RBFOX1: variants seen among roughly 807,000 people sequenced by gnomAD.
RBFOX1 encodes the protein RNA binding protein fox-1 homolog 1.
RBFOX1 carries 8 observed loss-of-function variants against 57.7 expected under a neutral mutation model. The observed-to-expected ratio is 0.14, with a 90% CI of 0.08 to 0.25. RBFOX1 has a LOEUF of 0.25. RBFOX1 is among the 10% of genes least tolerant of loss of function. RBFOX1 has a pLI of 1.00. For synonymous variants in RBFOX1, 326 were observed against 222.4 expected (o/e 1.47, Z -4.15); for missense variants, 611 against 548.5 (o/e 1.11, Z -1.14).
At chr16:6,224,748 C>T (rs1053936241) in intron 1 of RBFOX1, among the ~76,000 whole-genome samples, 5 of 152,204 alleles carry the variant, frequency 3.3e-5, no homozygotes, top group South Asian at 2.1e-4. Flanking sequence ...TGGCCAGGTG[C>T]GGTGGCTCAC....
intron 3 of RBFOX1, among the ~76,000 whole-genome samples, chr16:6,838,984 C>CT (rs769388217): frequency 5.9e-5 from 9 of 151,290 alleles, no homozygotes; most frequent in African/African-American, 9.7e-5. Context: ...CCATCATTTT[C>CT]TTTTTTTTCT....
intron 4 of RBFOX1, among the ~76,000 whole-genome samples, chr16:7,483,232 C>T (rs755325538): frequency 2.6e-4 from 40 of 152,284 alleles, no homozygotes; most frequent in Non-Finnish European, 5.1e-4. Context: ...TATTTTGGGT[C>T]CCTCCTGGAT....
chr16:7,547,811 G>A (rs1229189139), intron 5 of RBFOX1, among the ~76,000 whole-genome samples: 1 of 152,248 alleles, frequency 6.6e-6, no homozygotes, highest in African/African-American at 2.4e-5. Flanking sequence ...GGTGAAACCT[G>A]TTTTGTGATT....
chr16:5,876,194 A>G (rs2057605291), intron 4 of RBFOX1, among the ~76,000 whole-genome samples: 1 of 152,056 alleles, frequency 6.6e-6, no homozygotes. Flanking sequence ...AAACAACCAA[A>G]TGGGGGGAAA....
intron 4 of RBFOX1, among the ~76,000 whole-genome samples, chr16:7,129,688 G>A (rs1394844599): frequency 6.6e-6 from 1 of 152,020 alleles, no homozygotes; most frequent in Admixed American, 6.6e-5. Flanking sequence ...GGCAGAAATA[G>A]CAAATTTCAA....
intron 2 of RBFOX1, among the ~76,000 whole-genome samples, chr16:6,450,536 A>C (rs898697449): frequency 1.3e-5 from 2 of 151,186 alleles, no homozygotes; most frequent in Non-Finnish European, 2.9e-5. Flanking sequence ...CTACCCAGCC[A>C]ACATGGAGTG....
chr16:6,933,021 C>T lies in RBFOX1; in HGVS notation c.-15-119036C>T, dbSNP rs560013567. ...TTGTCTTTTTGTTACTGGTTTATTT[C>T]ACTTAGCATAATATCCTTAAGGTTC... On this transcript the variant is annotated intron_variant, in intron 3 of 15. Transcript: ENST00000550418. Among the ~76,000 whole-genome samples, 3 of 152,284 alleles carry T rather than the reference C, an allele frequency of 2.0e-5. No individual in the cohort carries two copies. The East Asian group carries it at 5.8e-4, about 29-fold the overall frequency.
intron 1 of RBFOX1, among the ~76,000 whole-genome samples, chr16:6,081,148 T>C (rs1327833644): frequency 2.6e-5 from 4 of 152,210 alleles, no homozygotes. Context: ...ATAGGGCGTC[T>C]TTCAGATACA....
chr16:6,354,300 C>G (rs893931724), intron 2 of RBFOX1, among the ~76,000 whole-genome samples: 1 of 152,204 alleles, frequency 6.6e-6, no homozygotes, highest in Middle Eastern at 3.4e-3. Context: ...TTTCAGAGAG[C>G]TTTTGGCTTC....
chr16:7,373,861 C>T (rs1207536043), intron 4 of RBFOX1, among the ~76,000 whole-genome samples: 2 of 152,130 alleles, frequency 1.3e-5, no homozygotes, highest in Non-Finnish European at 2.9e-5. Context: ...CTCAGCTTCT[C>T]GTGAGAGAGA....
At chr16:7,095,514 G>T (rs1394754896) in intron 4 of RBFOX1, among the ~76,000 whole-genome samples, 1 of 152,268 alleles carries the variant, frequency 6.6e-6, no homozygotes, top group East Asian at 1.9e-4. Flanking sequence ...GGAGTTGTGT[G>T]TCCTCTTTTC....
chr16:6,805,751 C>A (rs1052522711), intron 3 of RBFOX1, among the ~76,000 whole-genome samples: 1 of 152,120 alleles, frequency 6.6e-6, no homozygotes, highest in African/African-American at 2.4e-5. Context: ...AAGGTTTTTC[C>A]CTCCACTGTA....
At chr16:5,750,586 C>T (rs1167990175) in intron 3 of RBFOX1, among the ~76,000 whole-genome samples, 1 of 152,246 alleles carries the variant, frequency 6.6e-6, no homozygotes, top group Non-Finnish European at 1.5e-5. Flanking sequence ...CTCCCCCAGC[C>T]TCGCTGCCGT....
chr16:5,819,315 T>G (rs567067556), intron 3 of RBFOX1, among the ~76,000 whole-genome samples: 1 of 152,304 alleles, frequency 6.6e-6, no homozygotes, highest in South Asian at 2.1e-4. Flanking sequence ...CATGAAGGCT[T>G]ATGCCTGTGA....
chr16:7,654,035 T>G, intron 12 of RBFOX1, 88 bp downstream of exon 12: 1 of 1,368,094 alleles, frequency 7.3e-7, no homozygotes, highest in Non-Finnish European at 9.6e-7. Context: ...CATGATGGTC[T>G]TGACTCCCCC....
intron 1 of RBFOX1, among the ~76,000 whole-genome samples, chr16:5,344,405 C>A (rs1489848752): frequency 6.6e-6 from 1 of 152,176 alleles, no homozygotes; most frequent in African/African-American, 2.4e-5. Context: ...AAAAAGTAAT[C>A]CCTTCTCAGG....
chr16:5,695,452 A>G (rs999247177), intron 3 of RBFOX1, among the ~76,000 whole-genome samples: 6 of 152,232 alleles, frequency 3.9e-5, no homozygotes, highest in Non-Finnish European at 8.8e-5. Flanking sequence ...TAATTAAATA[A>G]TGAAGCTAGG....
chr16:7,128,841 A>G (rs1567370596), intron 4 of RBFOX1, among the ~76,000 whole-genome samples: 1 of 121,514 alleles, frequency 8.2e-6, no homozygotes, highest in East Asian at 2.3e-4. Context: ...TTTTTTTTTA[A>G]GACGGAGTCT....
intron 1 of RBFOX1, among the ~76,000 whole-genome samples, chr16:6,229,464 G>A (rs1400845414): frequency 2.0e-5 from 3 of 152,068 alleles, no homozygotes; most frequent in African/African-American, 4.8e-5. Context: ...ATCAAGAACC[G>A]GCAAAGCCCA....
Sources: gnomAD v4.1 joint callset for allele counts (sites outside exome capture counted in the v4.1 genomes callset) on GRCh38, gnomAD v4.1.1 for gene constraint, MANE v1.5 for transcripts, NCBI Gene and HGNC (gene_info 2026-07-23, HGNC 2026-07-21) for gene names.